The following SH3BP5 variants were observed in gnomAD, a reference collection of about 807,000 sequenced individuals.
SH3BP5 encodes the protein SH3 domain-binding protein 5.
SH3BP5 carries 22 observed loss-of-function variants against 43.3 expected under a neutral mutation model. The ratio of observed to expected loss-of-function variants is 0.51; its 90% CI spans 0.36 to 0.73. The LOEUF is 0.73. Ranked by LOEUF, SH3BP5 falls within the 30% of genes least tolerant of loss-of-function variation. The pLI, the probability that SH3BP5 is intolerant of heterozygous loss-of-function variation, is 0.00. For synonymous variants in SH3BP5, 255 were observed against 225.8 expected (o/e 1.13, Z -1.16); for missense variants, 529 against 586.9 (o/e 0.90, Z 1.02).
At chr3:15,277,281 ACTT>A (rs1411249036) in intron 3 of SH3BP5, among the ~76,000 whole-genome samples, 2 of 152,052 alleles carry the variant, frequency 1.3e-5, no homozygotes, top group Non-Finnish European at 2.9e-5. Flanking sequence ...CTCATTCTAA[ACTT>A]CTATTAAACA....
At chr3:15,298,093 C>T (rs1392507835) in intron 3 of SH3BP5, among the ~76,000 whole-genome samples, 1 of 151,824 alleles carries the variant, frequency 6.6e-6, no homozygotes, top group East Asian at 1.9e-4. Context: ...CCTCCTGCCT[C>T]TGCCTCCTGA....
intron 4 of SH3BP5, 32 bp downstream of exon 4, chr3:15,269,681 A>G (rs753240512): frequency 6.6e-7 from 1 of 1,506,596 alleles, no homozygotes; most frequent in South Asian, 1.3e-5. Flanking sequence ...GCACGCGCAC[A>G]CCCCCACAGC....
At chr3:15,257,167 A>G in intron 7 of SH3BP5, 54 bp from the exon 8 acceptor site, 1 of 1,571,608 alleles carries the variant, frequency 6.4e-7, no homozygotes, top group Non-Finnish European at 8.7e-7. Context: ...CTCAAACACC[A>G]CAAGTGCTTG....
In SH3BP5 at chr3:15,259,025, A is replaced by C. The variant is rs774575202; in HGVS notation, c.695T>G (p.Leu232Arg). The C allele has an allele frequency of 6.2e-7, 1 of 1,614,216 alleles. No homozygotes were observed. ...LEQLKKTVDD[L>R]QAKLTLAKGE... is the part of the protein sequence containing the mutation. Reference sequence around the variant, plus strand: ...TTTTGCCAGGGTCAGTTTGGCCTGCAGGTCATCCACAGTCTTTTTCAGTTG... The same window carrying C: ...TTTTGCCAGGGTCAGTTTGGCCTGCCGGTCATCCACAGTCTTTTTCAGTTG... Residue 232 changes from leucine (L) to arginine (R), a missense_variant, in exon 7 of 9, where the codon CTG becomes CGG. Coordinates refer to ENST00000383791, the MANE Select transcript of SH3BP5 (RefSeq NM_004844.5).
intron 3 of SH3BP5, among the ~76,000 whole-genome samples, chr3:15,278,025 C>A (rs1697020116): frequency 6.6e-6 from 1 of 152,220 alleles, no homozygotes; most frequent in South Asian, 2.1e-4. Flanking sequence ...GAAGCCCCAG[C>A]CAAATGACAG....
chr3:15,287,983 T>C (rs924575209), intron 3 of SH3BP5, among the ~76,000 whole-genome samples: 2 of 152,232 alleles, frequency 1.3e-5, no homozygotes, highest in Non-Finnish European at 2.9e-5. Flanking sequence ...GATGTTTATA[T>C]AAGCATTTAT....
intron 1 of SH3BP5, 49 bp from the exon 2 acceptor site, chr3:15,330,615 G>C: frequency 6.7e-7 from 1 of 1,487,756 alleles, no homozygotes; most frequent in Non-Finnish European, 9.0e-7. Flanking sequence ...TCCGTCTTTT[G>C]TTTCCAATAT....
At chr3:15,318,421 C>T (rs758674796) in intron 2 of SH3BP5, among the ~76,000 whole-genome samples, 26 of 151,258 alleles carry the variant, frequency 1.7e-4, no homozygotes, top group South Asian at 6.3e-4. Flanking sequence ...CAAGACTGTA[C>T]GGCACATTAA....
chr3:15,269,659 G>A (rs1197500209), intron 4 of SH3BP5, 54 bp downstream of exon 4: 32 of 1,482,800 alleles, frequency 2.2e-5, no homozygotes, highest in Non-Finnish European at 2.8e-5. Flanking sequence ...CTCAGGGGAA[G>A]CCAGCGCGCA....
At chr3:15,311,806 C>T (rs980437178) in intron 2 of SH3BP5, among the ~76,000 whole-genome samples, 2 of 151,884 alleles carry the variant, frequency 1.3e-5, no homozygotes, top group African/African-American at 4.8e-5. Context: ...CCCAAGTAGC[C>T]GGGACTAGAG....
chr3:15,269,835 C>T lies in SH3BP5; in HGVS notation c.373G>A (p.Ala125Thr), dbSNP rs1696749913. ...TTGGCGGCACGGAGCACCTCTGTGG[C>T]CCTCTGGAAGTCCTGCGTGGCTTTC... is the stretch of plus-strand genomic sequence containing the variant. ...AQKATQDFQR[A>T]TEVLRAAKET... is the part of the protein sequence containing the mutation. The change falls in exon 4 of 9, where the codon GCC becomes ACC. Residue 125 changes from alanine (A) to threonine (T), a missense_variant. Physicochemically the swap from Ala to Thr is moderately conservative, Grantham distance 58. Transcript: ENST00000383791. The T allele has an allele frequency of 1.3e-6, 2 of 1,592,594 alleles. No homozygotes were observed. The highest frequency in any genetic ancestry group is 1.7e-6 in the Non-Finnish European group (2 of 1,166,310).
chr3:15,264,717 G>T (rs1696572951), intron 4 of SH3BP5, among the ~76,000 whole-genome samples: 1 of 152,010 alleles, frequency 6.6e-6, no homozygotes, highest in Non-Finnish European at 1.5e-5. Context: ...TCCAAAACCA[G>T]ATATTTCACA....
At chr3:15,306,552 T>C (rs1697912828) in intron 2 of SH3BP5, among the ~76,000 whole-genome samples, 1 of 151,886 alleles carries the variant, frequency 6.6e-6, no homozygotes, top group Non-Finnish European at 1.5e-5. Flanking sequence ...GGGAAGTGGA[T>C]ACTCCAAAAG....
Position 15,258,846 on chromosome 3 carries a change from G to C in SH3BP5, c.874C>G (p.Pro292Ala). The C allele has an allele frequency of 6.2e-7, 1 of 1,613,888 alleles. No homozygotes were observed. Among genetic ancestry groups the C allele is most frequent in the Non-Finnish European group, 8.5e-7 (1 of 1,179,938 alleles). Residue 292 changes from proline to alanine, a missense_variant, in exon 7 of 9, where the codon CCT becomes GCT. Coordinates refer to ENST00000383791, the MANE Select transcript of SH3BP5 (RefSeq NM_004844.5). ...VEDLPGSKPE[P>A]DAISVASEAF... ...CCTGACTTACCAGAAATGGCATCAG[G>C]CTCAGGTTTGCTCCCTGGCAGATCC...
At chr3:15,330,428 G>T in intron 2 of SH3BP5, 76 bp downstream of exon 2, 1 of 1,234,842 alleles carries the variant, frequency 8.1e-7, no homozygotes, top group Non-Finnish European at 1.2e-6. Flanking sequence ...CTCCAGCTAT[G>T]AAGACAAAAT....
At chr3:15,320,261 A>G in intron 2 of SH3BP5, among the ~76,000 whole-genome samples, 1 of 152,140 alleles carries the variant, frequency 6.6e-6, no homozygotes, top group Admixed American at 6.5e-5. Flanking sequence ...TGTCTCCCTG[A>G]TAGCAGTTTC....
chr3:15,291,732 C>T (rs1697418369), intron 3 of SH3BP5, among the ~76,000 whole-genome samples: 1 of 152,140 alleles, frequency 6.6e-6, no homozygotes, highest in Non-Finnish European at 1.5e-5. Context: ...ATATGCAGTC[C>T]CACCAGGTTG....
At chr3:15,304,320 A>G (rs765137678) in intron 2 of SH3BP5, 89 bp from the exon 3 acceptor site, 1 of 1,600,652 alleles carries the variant, frequency 6.2e-7, no homozygotes, top group Non-Finnish European at 8.5e-7. Context: ...ACATCAACAA[A>G]GGACTTTACC....
intron 6 of SH3BP5, 114 bp from the exon 7 acceptor site, chr3:15,259,164 C>T (rs889252437): frequency 1.2e-5 from 10 of 813,654 alleles, no homozygotes; most frequent in African/African-American, 6.8e-5. Context: ...AGGAATTTTC[C>T]AAGACATGAC....
Sources: allele counts gnomAD v4.1 joint callset (sites outside exome capture counted in the v4.1 genomes callset), GRCh38; gene constraint gnomAD v4.1.1; transcripts MANE v1.5; gene names NCBI Gene and HGNC (gene_info 2026-07-23, HGNC 2026-07-21).